The following NCAPH variants were observed in gnomAD, a reference collection of about 807,000 sequenced individuals.
NCAPH encodes the protein non-SMC condensin I complex subunit H.
In NCAPH, 38 loss-of-function variants were observed where a neutral mutation model predicts 85.5. That is an observed-to-expected ratio of 0.44 (90% CI 0.34 to 0.58). The LOEUF is 0.58. NCAPH is among the 20% of genes least tolerant of loss of function. The pLI is 0.01. For missense variants in NCAPH, 789 were observed against 916.6 expected (o/e 0.86, Z 1.80); for synonymous variants, 301 against 335.1 (o/e 0.90, Z 1.11).
chr2:96,350,244 G>A (rs1573074075), intron 6 of NCAPH, among the ~76,000 whole-genome samples: 1 of 152,308 alleles, frequency 6.6e-6, no homozygotes, highest in East Asian at 1.9e-4. Context: ...TGAATTGCTT[G>A]GGGATATAAA....
intron 14 of NCAPH, among the ~76,000 whole-genome samples, chr2:96,366,705 C>T (rs756842350): frequency 6.6e-6 from 1 of 151,788 alleles, no homozygotes; most frequent in Non-Finnish European, 1.5e-5. Flanking sequence ...GGTGAAACCC[C>T]GTCTTTAATA....
Position 96,360,452 on chromosome 2 carries a change from TC to T in NCAPH, c.1465-135del. On this transcript the variant is annotated intron_variant, in intron 11 of 17. Transcript: ENST00000240423. ...AATAAAAAGAATAATGCTAGCAAAA[TC>T]ACTTTTTTACATAGAACTGTGAGAC... 8 of 1,087,834 alleles carry T rather than the reference TC, an allele frequency of 7.4e-6. 1 individual carries two copies. In the South Asian group the frequency reaches 1.3e-4, roughly 17 times the overall value. 67.4% of individuals were successfully genotyped at this position (1,087,834 alleles called of 1,614,324 possible). A position where few individuals can be genotyped will look rare whatever the true frequency, so the allele number is the denominator to read the frequency against.
At chr2:96,366,497 T>C (rs1187080891) in intron 14 of NCAPH, among the ~76,000 whole-genome samples, 1 of 152,238 alleles carries the variant, frequency 6.6e-6, no homozygotes, top group African/African-American at 2.4e-5. Context: ...TTATCTCTTT[T>C]ACACTGGAAT....
Position 96,353,306 on chromosome 2 carries a change from C to A in NCAPH, c.911C>A (p.Ala304Glu), listed in dbSNP as rs778415747. Reference protein sequence around the residue: ...LGCVEMTDLKAPLQQCAEDRQ... With the variant: ...LGCVEMTDLKEPLQQCAEDRQ... ...TTTGTGATCTTGCTATCCTCTCCAG[C>A]GCCCTTGCAGCAGTGTGCAGAAGAT... Residue 304 changes from alanine to glutamate, a missense_variant and splice_region_variant, in exon 8 of 18, where the codon GCG becomes GAG. Coordinates refer to ENST00000240423, the MANE Select transcript of NCAPH (RefSeq NM_015341.5). 6.2e-7 allele frequency: 1 copy of A among 1,613,938 alleles called. No individual in the cohort carries two copies. The highest frequency in any genetic ancestry group is 1.3e-5 in the African/African-American group (1 of 75,064).
In NCAPH at chr2:96,361,828, ATTT is replaced by A. The variant is rs67427447; in HGVS notation, c.1587+1131_1587+1133del. Among the ~76,000 whole-genome samples the A allele has an allele frequency of 2.8e-3, 298 of 107,996 alleles. 2 individuals carry two copies. The highest frequency in any genetic ancestry group is 9.9e-3 in the South Asian group (33 of 3,342). 70.8% of individuals were successfully genotyped at this position (107,996 alleles called of 152,430 possible). A position where few individuals can be genotyped will look rare whatever the true frequency, so the allele number is the denominator to read the frequency against. On this transcript the variant is annotated intron_variant, in intron 12 of 17. Transcript: ENST00000240423. ...TGTGTATATATATATATATATATAT[ATTT>A]TTTTTTTTTTTTCCCTGAATTGACT...
intron 6 of NCAPH, among the ~76,000 whole-genome samples, chr2:96,348,590 C>T (rs1395399839): frequency 6.6e-6 from 1 of 152,008 alleles, no homozygotes; most frequent in East Asian, 1.9e-4. Flanking sequence ...ACGTTCCCTT[C>T]CCTCCCCCAA....
intron 6 of NCAPH, among the ~76,000 whole-genome samples, chr2:96,349,288 A>G (rs779344856): frequency 6.6e-6 from 1 of 152,208 alleles, no homozygotes; most frequent in Non-Finnish European, 1.5e-5. Flanking sequence ...GTTGCTGTAA[A>G]CTTGTAATCA....
At position 96,369,433 on chromosome 2, in the gene NCAPH, C is replaced by A. The variant is rs772432169; in HGVS notation, c.2099C>A (p.Pro700His). 6.2e-7 allele frequency: 1 copy of A among 1,614,082 alleles called. No homozygotes were observed. The highest frequency in any genetic ancestry group is 1.1e-5 in the South Asian group (1 of 91,076). Reference sequence around the variant, plus strand: ...TGCCCCTTTCTTTCCAGCCTGCCCCCTGTCATGGCTCAGAACCTCTCCATA... The same window carrying A: ...TGCCCCTTTCTTTCCAGCCTGCCCCATGTCATGGCTCAGAACCTCTCCATA... ...LTKDLQRSLP[P>H]VMAQNLSIPL... The change falls in exon 17 of 18, where the codon CCT (proline) becomes CAT (histidine). Residue 700 changes from proline (P) to histidine (H), a missense_variant. Pro to His is a moderately conservative substitution (Grantham distance 77, BLOSUM62 -2). Coordinates refer to ENST00000240423, the MANE Select transcript of NCAPH (RefSeq NM_015341.5).
chr2:96,362,201 C>G (rs1300948732), intron 12 of NCAPH, among the ~76,000 whole-genome samples: 1 of 150,940 alleles, frequency 6.6e-6, no homozygotes, highest in Non-Finnish European at 1.5e-5. Flanking sequence ...GCCTGGGGGA[C>G]AAAGTGAGGC....
chr2:96,358,466 A>G (rs933257958), intron 9 of NCAPH, among the ~76,000 whole-genome samples: 6 of 152,050 alleles, frequency 3.9e-5, no homozygotes, highest in East Asian at 1.9e-4. Flanking sequence ...TTCTTACCCA[A>G]AGGAATTCTC....
chr2:96,360,603 A>T lies in NCAPH; in HGVS notation c.1480A>T (p.Thr494Ser), dbSNP rs747743170. Residue 494 changes from threonine to serine, a missense_variant, in exon 12 of 18, where the codon ACC (threonine) becomes TCC (serine). Thr to Ser is a moderately conservative substitution (Grantham distance 58). Coordinates refer to ENST00000240423, the MANE Select transcript of NCAPH (RefSeq NM_015341.5). ...AAATTAATAGGCTGCTACTATTCTG[A>T]CCAAGTCCACTTTGGAGAACCAGAA... ...FRKTKAATIL[T>S]KSTLENQNWR... The T allele has an allele frequency of 2.5e-6, 4 of 1,614,136 alleles. No individual in the cohort carries two copies. Among genetic ancestry groups the T allele is most frequent in the Non-Finnish European group, 2.5e-6 (3 of 1,179,994 alleles).
At chr2:96,348,122 T>C (rs565114949) in intron 6 of NCAPH, among the ~76,000 whole-genome samples, 1 of 151,814 alleles carries the variant, frequency 6.6e-6, no homozygotes, top group Admixed American at 6.6e-5. Flanking sequence ...CTATAAAAAA[T>C]GGGGAACGCT....
rs1234217790 is a variant in NCAPH, at chr2:96,376,488, C to G, written c.*3137C>G. On this transcript the variant is annotated 3_prime_UTR_variant, in exon 18 of 18. Coordinates refer to ENST00000240423, the MANE Select transcript of NCAPH (RefSeq NM_015341.5). The stretch of plus-strand genomic sequence containing the variant: ...GCTAGGTGCACTTCCCTGGCCAGAC[C>G]ACCCTACAGTGTATGATCCCCCTGG... 1.3e-5 allele frequency among the ~76,000 whole-genome samples: 2 copies of G among 152,188 alleles called. No individual in the cohort carries two copies. Among genetic ancestry groups the G allele is most frequent in the Non-Finnish European group, 2.9e-5 (2 of 68,040 alleles).
chr2:96,341,775 C>A lies in NCAPH; in HGVS notation c.153C>A (p.Val51=), dbSNP rs1178032398. 49 of 1,614,062 alleles carry A rather than the reference C, an allele frequency of 3.0e-5. No homozygotes were observed. Among genetic ancestry groups the A allele is most frequent in the Non-Finnish European group, 4.1e-5 (48 of 1,180,036 alleles). Residue 51 remains valine, a synonymous_variant, in exon 2 of 18, where the codon GTC becomes GTA. Coordinates refer to ENST00000240423, the MANE Select transcript of NCAPH (RefSeq NM_015341.5). ...CTCTCAATATTCCTGGCACCCCAGTCCTCGAAGACTTTCCTCAGAATGACG... is the reference window on the plus strand; with the variant it reads ...CTCTCAATATTCCTGGCACCCCAGTACTCGAAGACTTTCCTCAGAATGACG... ...KAPLNIPGTP[V]LEDFPQNDDE...
chr2:96,335,794 G>T lies in NCAPH; in HGVS notation c.-36G>T. On this transcript the variant is annotated 5_prime_UTR_variant, in exon 1 of 18. Coordinates refer to ENST00000240423, the MANE Select transcript of NCAPH (RefSeq NM_015341.5). ...ACGGCGCTCAGGCGTCTCGACGCGC[G>T]CGATTTAAAACCAGCTCAGGAGACG... 1 of 1,474,680 alleles carries T rather than the reference G, an allele frequency of 6.8e-7. No homozygotes were observed. The highest frequency in any genetic ancestry group is 9.0e-7 in the Non-Finnish European group (1 of 1,114,198). The allele number at this position is 1,474,680 out of a possible 1,614,324, so 91.3% of individuals were successfully genotyped here.
At chr2:96,369,193 C>A in intron 16 of NCAPH, 130 bp downstream of exon 16, 1 of 1,002,708 alleles carries the variant, frequency 1.0e-6, no homozygotes, top group Non-Finnish European at 1.5e-6. Flanking sequence ...TCTGTGTTGA[C>A]AGATAATACA....
At chr2:96,361,764 A>G (rs1484921233) in intron 12 of NCAPH, among the ~76,000 whole-genome samples, 1 of 125,806 alleles carries the variant, frequency 7.9e-6, no homozygotes, top group African/African-American at 2.8e-5. Flanking sequence ...ATATATATAT[A>G]TATACATATA....
chr2:96,369,413 C>G lies in NCAPH; in HGVS notation c.2091-12C>G. 1.2e-6 allele frequency: 2 copies of G among 1,613,486 alleles called. No individual in the cohort carries two copies. Among genetic ancestry groups the G allele is most frequent in the Non-Finnish European group, 8.5e-7 (1 of 1,179,390 alleles). ...TTGGCAGTGACCTAAATACTTGCCC[C>G]TTTCTTTCCAGCCTGCCCCCTGTCA... On this transcript the variant is annotated splice_polypyrimidine_tract_variant and intron_variant, in intron 16 of 17. Coordinates refer to ENST00000240423, the MANE Select transcript of NCAPH (RefSeq NM_015341.5).
intron 6 of NCAPH, among the ~76,000 whole-genome samples, chr2:96,348,290 C>T (rs967163550): frequency 2.0e-5 from 3 of 150,726 alleles, no homozygotes; most frequent in Admixed American, 1.3e-4. Context: ...CCCGGGTTCA[C>T]GCCATTCTCC....
Sources: gnomAD v4.1 joint callset for allele counts (sites outside exome capture counted in the v4.1 genomes callset) on GRCh38, gnomAD v4.1.1 for gene constraint, MANE v1.5 for transcripts, NCBI Gene and HGNC (gene_info 2026-07-23, HGNC 2026-07-21) for gene names.